The following FSTL4 variants were observed in gnomAD, a reference collection of about 807,000 sequenced individuals.
FSTL4 encodes follistatin-related protein 4.
Under a neutral mutation model 78.2 loss-of-function variants are expected in FSTL4, and 28 were observed. The ratio of observed to expected loss-of-function variants is 0.36; its 90% CI spans 0.27 to 0.49. The LOEUF (loss-of-function observed/expected upper bound fraction) is 0.49, where lower values mean the gene tolerates loss of function less well. Ranked by LOEUF, FSTL4 falls within the 20% of genes least tolerant of loss-of-function variation. The probability of loss-of-function intolerance (pLI) is 0.98; values close to 1 mark genes in which losing one functional copy is unlikely to be tolerated. For synonymous variants in FSTL4, 422 were observed against 440.5 expected (o/e 0.96, Z 0.53); for missense variants, 922 against 1,084.9 (o/e 0.85, Z 2.11).
At chr5:133,501,528 C>A (rs1373620063) in intron 3 of FSTL4, among the ~76,000 whole-genome samples, 1 of 152,150 alleles carries the variant, frequency 6.6e-6, no homozygotes, top group East Asian at 1.9e-4. Flanking sequence ...TGAGGTCATT[C>A]AAGGAGGCAC....
chr5:133,275,489 G>A (rs1752861715), intron 6 of FSTL4, among the ~76,000 whole-genome samples: 1 of 151,720 alleles, frequency 6.6e-6, no homozygotes, highest in African/African-American at 2.4e-5. Context: ...GAACCCGGAA[G>A]GCGGTGGTTC....
the FSTL4 span, among the ~76,000 whole-genome samples, chr5:133,630,230 T>C: frequency 6.6e-6 from 1 of 152,290 alleles, no homozygotes; most frequent in Non-Finnish European, 1.5e-5. Context: ...GATGACATGA[T>C]TGTATATTTA....
At chr5:133,717,638 GT>G in the FSTL4 span, among the ~76,000 whole-genome samples, 6 of 152,168 alleles carry the variant, frequency 3.9e-5, no homozygotes, top group Admixed American at 3.9e-4. Context: ...GATTAGATTT[GT>G]CTTTCCCAGA....
chr5:133,265,088 A>T (rs1752613844), intron 6 of FSTL4, among the ~76,000 whole-genome samples: 1 of 151,942 alleles, frequency 6.6e-6, no homozygotes. Flanking sequence ...TGGTGGCAGG[A>T]GGTGGCCTCT....
intron 3 of FSTL4, among the ~76,000 whole-genome samples, chr5:133,494,858 T>G (rs1293898752): frequency 6.6e-6 from 1 of 152,206 alleles, no homozygotes; most frequent in Non-Finnish European, 1.5e-5. Flanking sequence ...CGGCTTGCAT[T>G]TTAAGGCATC....
intron 3 of FSTL4, among the ~76,000 whole-genome samples, chr5:133,447,578 C>T (rs1321369971): frequency 6.6e-6 from 1 of 152,120 alleles, no homozygotes; most frequent in Non-Finnish European, 1.5e-5. Context: ...CTCACTCTGT[C>T]ACCCAGGCTG....
At chr5:133,437,189 T>C (rs1304179761) in intron 3 of FSTL4, among the ~76,000 whole-genome samples, 2 of 152,182 alleles carry the variant, frequency 1.3e-5, no homozygotes, top group African/African-American at 4.8e-5. Flanking sequence ...ACCATGAGTT[T>C]AGATTTGGAC....
At chr5:133,481,425 C>G (rs974273667) in intron 3 of FSTL4, among the ~76,000 whole-genome samples, 1 of 151,238 alleles carries the variant, frequency 6.6e-6, no homozygotes, top group African/African-American at 2.4e-5. Context: ...ACCTATAGTT[C>G]CAGATACTTG....
chr5:133,459,285 C>A (rs1206535233), intron 3 of FSTL4, among the ~76,000 whole-genome samples: 7 of 152,096 alleles, frequency 4.6e-5, no homozygotes, highest in Non-Finnish European at 1.0e-4. Flanking sequence ...CTTTCCACCA[C>A]CCTGGGGTCC....
intron 3 of FSTL4, among the ~76,000 whole-genome samples, chr5:133,464,305 T>C (rs142495747): frequency 6.6e-6 from 1 of 152,272 alleles, no homozygotes; most frequent in East Asian, 1.9e-4. Context: ...GGCTGCTACA[T>C]TTTCCCAAGA....
rs748883774 is a variant in FSTL4, at chr5:133,271,996, C to T, written c.728-22420G>A. ...AGCTTTGACCGGGGGGCTTTGGAAT[C>T]GACACTTTCTCCCAACATGACTTTC... On this transcript the variant is annotated intron_variant, in intron 6 of 15. Transcript: ENST00000265342. 2.6e-5 allele frequency among the ~76,000 whole-genome samples: 4 copies of T among 152,098 alleles called. No individual in the cohort carries two copies. The South Asian group carries it at 6.2e-4, about 24-fold the overall frequency.
chr5:133,400,816 G>A lies in FSTL4; in HGVS notation c.331C>T (p.His111Tyr), dbSNP rs748150874. Residue 111 changes from histidine to tyrosine, a missense_variant, in exon 4 of 16, where the codon CAC becomes TAC. By Grantham distance (83) the His-to-Tyr change is moderately conservative. Transcript: ENST00000265342. The part of the protein sequence containing the change: ...CGSDGRFYEN[H>Y]CKLHRAACLL... ...CAAGCAGCACGGTGGAGCTTACAGTGGTTTTCATAAAACCTCCCATCAGAG... is the reference window on the plus strand; with the variant it reads ...CAAGCAGCACGGTGGAGCTTACAGTAGTTTTCATAAAACCTCCCATCAGAG... The A allele has an allele frequency of 6.2e-7, 1 of 1,613,842 alleles. No homozygotes were observed. The highest frequency in any genetic ancestry group is 1.3e-5 in the African/African-American group (1 of 74,912).
chr5:133,455,423 C>T (rs1035794158), intron 3 of FSTL4, among the ~76,000 whole-genome samples: 5 of 152,304 alleles, frequency 3.3e-5, no homozygotes, highest in Admixed American at 6.5e-5. Context: ...GAAGGTAAAA[C>T]ATTGCAACTG....
chr5:133,258,602 TCATC>T (rs1361665008), intron 6 of FSTL4, among the ~76,000 whole-genome samples: 1 of 152,192 alleles, frequency 6.6e-6, no homozygotes, highest in African/African-American at 2.4e-5. Context: ...AACACAGTCA[TCATC>T]CATGCTCTCC....
intron 4 of FSTL4, among the ~76,000 whole-genome samples, chr5:133,334,718 C>T (rs751050105): frequency 9.2e-5 from 14 of 152,160 alleles, no homozygotes; most frequent in African/African-American, 3.1e-4. Flanking sequence ...CAAGCCCAGG[C>T]CTAGGTACAT....
intron 3 of FSTL4, among the ~76,000 whole-genome samples, chr5:133,537,409 A>C (rs1759370548): frequency 6.6e-6 from 1 of 152,186 alleles, no homozygotes. Flanking sequence ...TGTTACTGTT[A>C]TACAGATAAG....
rs1281073794 is a variant in FSTL4, at chr5:133,258,377, A to G, written c.728-8801T>C. 3.3e-5 allele frequency among the ~76,000 whole-genome samples: 5 copies of G among 152,308 alleles called. No homozygotes were observed. In the East Asian group the frequency reaches 5.8e-4, roughly 18 times the overall value. ...TGAGTAGAGAAGATTGCCCTCCCCA[A>G]TGAGGGCAGGCCTCATCCAATTCGT... is the stretch of plus-strand genomic sequence containing the variant. On this transcript the variant is annotated intron_variant, in intron 6 of 15. Coordinates refer to ENST00000265342, the MANE Select transcript of FSTL4 (RefSeq NM_015082.2).
chr5:133,804,801 G>A, the FSTL4 span, among the ~76,000 whole-genome samples: 8 of 152,026 alleles, frequency 5.3e-5, no homozygotes, highest in East Asian at 7.8e-4. Flanking sequence ...AAAATTAGCC[G>A]GGCATTGTGG....
the FSTL4 span, among the ~76,000 whole-genome samples, chr5:133,764,241 A>G: frequency 6.6e-6 from 1 of 152,180 alleles, no homozygotes; most frequent in Non-Finnish European, 1.5e-5. Flanking sequence ...CCTTCCTAGA[A>G]AACCAAAGTA....
Sources: allele counts gnomAD v4.1 joint callset (sites outside exome capture counted in the v4.1 genomes callset), GRCh38; gene constraint gnomAD v4.1.1; transcripts MANE v1.5; gene names NCBI Gene and HGNC (gene_info 2026-07-23, HGNC 2026-07-21).